The following SEMA3D variants were observed in gnomAD, a reference collection of about 807,000 sequenced individuals.
SEMA3D encodes the protein semaphorin 3D, also known as semaphorin-3D.
Under a neutral mutation model 100.1 loss-of-function variants are expected in SEMA3D, and 84 were observed. The observed-to-expected ratio is 0.84, with a 90% CI of 0.70 to 1.01. The LOEUF is 1.01. Ranked by LOEUF, SEMA3D falls within the 50% of genes least tolerant of loss-of-function variation. The probability of loss-of-function intolerance (pLI) is 0.00; values close to 1 mark genes in which losing one functional copy is unlikely to be tolerated. For missense variants in SEMA3D, 875 were observed against 934.1 expected, an observed-to-expected ratio of 0.94 and a Z score of 0.82; for synonymous variants, 312 against 320.7, an observed-to-expected ratio of 0.97 and a Z score of 0.29.
the SEMA3D span, among the ~76,000 whole-genome samples, chr7:85,213,570 A>T: frequency 6.6e-6 from 1 of 152,106 alleles, no homozygotes; most frequent in African/African-American, 2.4e-5. Context: ...TTTTCTAATT[A>T]TTCAGTGTGT....
At chr7:85,197,497 G>A in the SEMA3D span, among the ~76,000 whole-genome samples, 5 of 143,244 alleles carry the variant, frequency 3.5e-5, no homozygotes, top group Admixed American at 3.6e-4. Flanking sequence ...GAGTTGTCCC[G>A]CCTTTCTGGA....
chr7:85,186,227 C>G (rs1164526079), intron 1 of SEMA3D, among the ~76,000 whole-genome samples: 1 of 152,144 alleles, frequency 6.6e-6, no homozygotes, highest in East Asian at 1.9e-4. Context: ...CGGATGTTCC[C>G]GACTAAAGCG....
chr7:85,168,291 C>T (rs1447566729), intron 1 of SEMA3D, among the ~76,000 whole-genome samples: 1 of 151,818 alleles, frequency 6.6e-6, no homozygotes, highest in Non-Finnish European at 1.5e-5. Context: ...TTTCTACAGG[C>T]TAGTCAGAAC....
rs539899278 is a variant in SEMA3D, at chr7:85,083,162, G to A, written c.313-1583C>T. The stretch of plus-strand genomic sequence containing the variant: ...ACTAAAATAAAATGGTTACATTTCA[G>A]GTGTATAGGTGGGTGGATTTAGAAA... On this transcript the variant is annotated intron_variant, in intron 4 of 18. Transcript: ENST00000284136. 7.9e-5 allele frequency among the ~76,000 whole-genome samples: 12 copies of A among 152,258 alleles called. No individual in the cohort carries two copies. The South Asian group carries it at 8.3e-4, about 11-fold the overall frequency.
In SEMA3D at chr7:85,068,109, C is replaced by T. The variant is rs911582169; in HGVS notation, c.589+82G>A. 6.3e-5 allele frequency: 51 copies of T among 813,892 alleles called. No homozygotes were observed. The African/African-American group carries it at 7.6e-4, about 12-fold the overall frequency. 50.4% of individuals were successfully genotyped at this position (813,892 alleles called of 1,614,324 possible). A position where few individuals can be genotyped will look rare whatever the true frequency, so the allele number is the denominator to read the frequency against. On this transcript the variant is annotated intron_variant, in intron 7 of 18. Transcript: ENST00000284136. Reference sequence around the variant, plus strand: ...AAGATTAGTAAAAAATTACCTTTAACTCAATAGGAAAATGCGGTTCAGTCA... The same window carrying T: ...AAGATTAGTAAAAAATTACCTTTAATTCAATAGGAAAATGCGGTTCAGTCA...
intron 9 of SEMA3D, among the ~76,000 whole-genome samples, chr7:85,042,597 C>A (rs1328682059): frequency 6.6e-6 from 1 of 152,142 alleles, no homozygotes; most frequent in Non-Finnish European, 1.5e-5. Flanking sequence ...TCATGACCTG[C>A]AAGAGACTAT....
chr7:85,215,414 T>C, the SEMA3D span, among the ~76,000 whole-genome samples: 4 of 152,188 alleles, frequency 2.6e-5, no homozygotes, highest in Admixed American at 6.6e-5. Context: ...CTGGAGCAGC[T>C]TGAATTCTCG....
intron 10 of SEMA3D, 137 bp downstream of exon 10, chr7:85,042,034 A>G (rs1051472127): frequency 1.5e-6 from 1 of 689,542 alleles, no homozygotes; most frequent in African/African-American, 1.8e-5. Flanking sequence ...TTTGCGTGTG[A>G]ATTTTAGTAA....
chr7:85,191,051 C>A (rs979648651), upstream of SEMA3D, among the ~76,000 whole-genome samples: 1 of 151,930 alleles, frequency 6.6e-6, no homozygotes, highest in Non-Finnish European at 1.5e-5. Context: ...CTGTCCAAGC[C>A]AGAATCTTAA....
the SEMA3D span, among the ~76,000 whole-genome samples, chr7:85,220,538 A>G: frequency 6.6e-6 from 1 of 151,942 alleles, no homozygotes; most frequent in African/African-American, 2.4e-5. Flanking sequence ...CTGAGATTAT[A>G]ATGTCAGTTC....
chr7:85,009,483 A>G (rs1315360861), intron 17 of SEMA3D, among the ~76,000 whole-genome samples: 1 of 151,782 alleles, frequency 6.6e-6, no homozygotes, highest in Non-Finnish European at 1.5e-5. Context: ...TTTAATTTGT[A>G]AATATCATTA....
upstream of SEMA3D, among the ~76,000 whole-genome samples, chr7:85,187,589 C>T (rs553052996): frequency 1.3e-5 from 2 of 152,178 alleles, no homozygotes; most frequent in Non-Finnish European, 1.5e-5. Context: ...TCCTCTTTCC[C>T]TTACGCCAGA....
At chr7:85,239,392 G>A in the SEMA3D span, among the ~76,000 whole-genome samples, 3 of 152,302 alleles carry the variant, frequency 2.0e-5, no homozygotes, top group Non-Finnish European at 1.5e-5. Context: ...GCATCGTCTC[G>A]AAGCAGACAG....
intron 12 of SEMA3D, chr7:85,029,711 G>T (rs548914267): frequency 6.3e-6 from 2 of 319,716 alleles, no homozygotes; most frequent in Admixed American, 4.1e-5. Context: ...CCCAACTATA[G>T]ATGTAGCATT....
intron 3 of SEMA3D, among the ~76,000 whole-genome samples, chr7:85,113,857 C>T (rs1406669902): frequency 6.6e-6 from 1 of 151,950 alleles, no homozygotes; most frequent in Non-Finnish European, 1.5e-5. Context: ...TAACTACTAC[C>T]AGAGATACTG....
In SEMA3D at chr7:85,055,661, T is replaced by G. The variant is rs949809772; in HGVS notation, c.861+56A>C. On this transcript the variant is annotated intron_variant, in intron 9 of 18. Coordinates refer to ENST00000284136, the MANE Select transcript of SEMA3D (RefSeq NM_001384900.1). ...TTTCATATACATATATATATATATA[T>G]ATATATATATATATATATATATATG... 3.1e-4 allele frequency: 35 copies of G among 114,294 alleles called. 1 individual carries two copies. The Middle Eastern group carries it at 0.012, about 38-fold the overall frequency. The allele number at this position is 114,294 out of a possible 1,614,324, so 7.1% of individuals were successfully genotyped here. A position where few individuals can be genotyped will look rare whatever the true frequency, so the allele number is the denominator to read the frequency against.
chr7:85,228,455 T>C, the SEMA3D span, among the ~76,000 whole-genome samples: 1 of 152,152 alleles, frequency 6.6e-6, no homozygotes, highest in African/African-American at 2.4e-5. Context: ...AAGAGAGATA[T>C]GTAAGACTTC....
At chr7:85,122,397 G>A (rs1225069869) in intron 2 of SEMA3D, among the ~76,000 whole-genome samples, 2 of 152,104 alleles carry the variant, frequency 1.3e-5, no homozygotes, top group Non-Finnish European at 2.9e-5. Flanking sequence ...GACTGGCTTT[G>A]CTCAGATGTA....
At chr7:85,188,985 T>C (rs529928792), upstream of SEMA3D, among the ~76,000 whole-genome samples, 5 of 152,344 alleles carry the variant, frequency 3.3e-5, no homozygotes, top group East Asian at 9.6e-4. Context: ...ACAATGCCTG[T>C]GACATTGTAT....
Sources: allele counts gnomAD v4.1 joint callset (sites outside exome capture counted in the v4.1 genomes callset), GRCh38; gene constraint gnomAD v4.1.1; transcripts MANE v1.5; gene names NCBI Gene and HGNC (gene_info 2026-07-23, HGNC 2026-07-21).